Variants in SORCS3 observed in about 807,000 individuals in gnomAD.
SORCS3 encodes VPS10 domain-containing receptor SorCS3.
SORCS3 carries 57 observed loss-of-function variants against 146.3 expected under a neutral mutation model. The observed-to-expected ratio is 0.39, with a 90% confidence interval of 0.31 to 0.49. SORCS3 has a LOEUF of 0.49. SORCS3 is among the 20% of genes least tolerant of loss of function. SORCS3 has a pLI of 0.92. For synonymous variants in SORCS3, 653 were observed against 618.5 expected, an observed-to-expected ratio of 1.06 and a Z score of -0.83; for missense variants, 1,341 against 1,575.5, an observed-to-expected ratio of 0.85 and a Z score of 2.52.
At chr10:104,995,175 T>TTTC (rs2055017641) in intron 4 of SORCS3, among the ~76,000 whole-genome samples, 1 of 151,110 alleles carries the variant, frequency 6.6e-6, no homozygotes. Context: ...TTTTTTTTTT[T>TTTC]TTGGGATGGA....
At chr10:105,221,791 A>G (rs1334240724) in intron 19 of SORCS3, among the ~76,000 whole-genome samples, 1 of 152,202 alleles carries the variant, frequency 6.6e-6, no homozygotes, top group Non-Finnish European at 1.5e-5. Context: ...AATCTCTTCA[A>G]TTACTTGTTC....
intron 1 of SORCS3, among the ~76,000 whole-genome samples, chr10:104,662,892 G>T (rs1471784018): frequency 6.6e-6 from 1 of 152,142 alleles, no homozygotes; most frequent in Admixed American, 6.6e-5. Context: ...TTAAACAAGG[G>T]AAACATGTAA....
rs575070499 is a variant in SORCS3, at chr10:104,873,627, A to G, written c.695+30768A>G. Among the ~76,000 whole-genome samples, 9 of 152,280 alleles carry G rather than the reference A, an allele frequency of 5.9e-5. No homozygotes were observed. The South Asian group carries it at 8.3e-4, about 14-fold the overall frequency. The stretch of plus-strand genomic sequence containing the variant: ...TACAGTCACCATTTGGAGATATGCA[A>G]TCTCTCATTTTTATTATAATTGTGG... On this transcript the variant is annotated intron_variant, in intron 2 of 26. Coordinates refer to ENST00000369701, the MANE Select transcript of SORCS3 (RefSeq NM_014978.3).
chr10:104,927,746 C>T (rs919773220), intron 3 of SORCS3, among the ~76,000 whole-genome samples: 2 of 151,898 alleles, frequency 1.3e-5, no homozygotes, highest in South Asian at 2.1e-4. Flanking sequence ...GGCGTGGTGG[C>T]GGGTGTCTGT....
At chr10:104,710,241 C>T (rs916931047) in intron 1 of SORCS3, among the ~76,000 whole-genome samples, 3 of 152,154 alleles carry the variant, frequency 2.0e-5, no homozygotes, top group African/African-American at 7.2e-5. Flanking sequence ...TAGCCCAACC[C>T]AGCTTATCCT....
At chr10:105,008,375 C>G (rs1298846744) in intron 4 of SORCS3, among the ~76,000 whole-genome samples, 1 of 152,170 alleles carries the variant, frequency 6.6e-6, no homozygotes, top group Non-Finnish European at 1.5e-5. Flanking sequence ...TCCTTCTTCA[C>G]TTTAACAGCC....
intron 4 of SORCS3, among the ~76,000 whole-genome samples, chr10:105,002,169 G>A (rs989245049): frequency 6.6e-6 from 1 of 152,274 alleles, no homozygotes; most frequent in African/African-American, 2.4e-5. Context: ...TTGGCCCACT[G>A]GTCTCTCCTG....
At chr10:104,671,696 G>A (rs2015856541) in intron 1 of SORCS3, among the ~76,000 whole-genome samples, 1 of 151,832 alleles carries the variant, frequency 6.6e-6, no homozygotes, top group South Asian at 2.1e-4. Context: ...AGGGTTGGTG[G>A]ATTTTGTCAA....
chr10:104,843,143 G>T (rs1285907468), intron 2 of SORCS3, among the ~76,000 whole-genome samples: 1 of 152,178 alleles, frequency 6.6e-6, no homozygotes, highest in African/African-American at 2.4e-5. Context: ...TGGCTAGAGA[G>T]ATCAGATAAA....
At chr10:105,185,929 A>G (rs1032638719) in intron 14 of SORCS3, among the ~76,000 whole-genome samples, 19 of 152,226 alleles carry the variant, frequency 1.2e-4, no homozygotes, top group Non-Finnish European at 2.9e-5. Flanking sequence ...TTCTCTCAAT[A>G]TTATCTATCT....
At chr10:104,770,893 C>T (rs1441606008) in intron 1 of SORCS3, among the ~76,000 whole-genome samples, 1 of 152,060 alleles carries the variant, frequency 6.6e-6, no homozygotes, top group African/African-American at 2.4e-5. Context: ...ATTTACTTAA[C>T]CTGGTATATC....
intron 2 of SORCS3, among the ~76,000 whole-genome samples, chr10:104,903,096 G>T (rs1418158638): frequency 6.6e-6 from 1 of 152,154 alleles, no homozygotes; most frequent in African/African-American, 2.4e-5. Context: ...TATGACCTGG[G>T]TTCAAGTTCC....
intron 19 of SORCS3, among the ~76,000 whole-genome samples, chr10:105,222,599 T>C (rs2056710546): frequency 6.6e-6 from 1 of 152,198 alleles, no homozygotes; most frequent in Non-Finnish European, 1.5e-5. Flanking sequence ...GATATACTTT[T>C]CCCTGTTTGG....
At chr10:104,962,157 A>C (rs1285856714) in intron 3 of SORCS3, among the ~76,000 whole-genome samples, 1 of 151,952 alleles carries the variant, frequency 6.6e-6, no homozygotes, top group Non-Finnish European at 1.5e-5. Context: ...CATGGAAGGG[A>C]TTGAGTTAAA....
chr10:105,039,429 T>C (rs1194900457), intron 4 of SORCS3, among the ~76,000 whole-genome samples: 1 of 149,490 alleles, frequency 6.7e-6, no homozygotes, highest in African/African-American at 2.5e-5. Flanking sequence ...AGTGAGGAGA[T>C]CAGCAGTGGC....
At chr10:105,180,342 T>G (rs749621381) in intron 14 of SORCS3, among the ~76,000 whole-genome samples, 1 of 152,186 alleles carries the variant, frequency 6.6e-6, no homozygotes, top group Non-Finnish European at 1.5e-5. Context: ...CAAGAAAGCA[T>G]AGATTTTTAA....
chr10:104,813,989 G>GT lies in SORCS3; in HGVS notation c.628-28796dup, dbSNP rs548972235. ...TTAAGAATAGTTTAGGAAGACTTAT[G>GT]TTTTTTTCCCCCTATTCCAGAGTCA... On this transcript the variant is annotated intron_variant, in intron 1 of 26. Transcript: ENST00000369701. Among the ~76,000 whole-genome samples, 142 of 134,132 alleles carry GT rather than the reference G, an allele frequency of 1.1e-3. 1 individual carries two copies. Among genetic ancestry groups the GT allele is most frequent in the African/African-American group, 3.5e-3 (127 of 35,950 alleles). The allele number at this position is 134,132 out of a possible 152,430, so 88.0% of individuals were successfully genotyped here. A position where few individuals can be genotyped will look rare whatever the true frequency, so the allele number is the denominator to read the frequency against.
At chr10:104,774,318 A>G (rs913927034) in intron 1 of SORCS3, among the ~76,000 whole-genome samples, 2 of 152,072 alleles carry the variant, frequency 1.3e-5, no homozygotes, top group Non-Finnish European at 2.9e-5. Context: ...TCTGAGATTC[A>G]TGACTCAACT....
At chr10:104,858,771 G>A (rs1292714516) in intron 2 of SORCS3, among the ~76,000 whole-genome samples, 15 of 151,694 alleles carry the variant, frequency 9.9e-5, no homozygotes, top group Admixed American at 7.9e-4. Context: ...ACAGGTACCC[G>A]CCACCACGCC....
Sources: gnomAD v4.1 joint callset for allele counts (sites outside exome capture counted in the v4.1 genomes callset) on GRCh38, gnomAD v4.1.1 for gene constraint, MANE v1.5 for transcripts, NCBI Gene and HGNC (gene_info 2026-07-23, HGNC 2026-07-21) for gene names.